The following ZNF346 variants were observed in gnomAD, a reference collection of about 807,000 sequenced individuals.
ZNF346 encodes the protein zinc finger protein 346, also known as double-stranded RNA-binding zinc finger protein JAZ.
In ZNF346, 23 loss-of-function variants were observed where a neutral mutation model predicts 33.7. That is an observed-to-expected ratio of 0.68 (90% CI 0.49 to 0.97). The LOEUF (loss-of-function observed/expected upper bound fraction) is 0.97, where lower values mean the gene tolerates loss of function less well. Among genes scored for constraint, ZNF346 ranks in the 50% least tolerant of loss-of-function variants. The probability of loss-of-function intolerance (pLI) is 0.00; values close to 1 mark genes in which losing one functional copy is unlikely to be tolerated. For synonymous variants in ZNF346, 134 were observed against 142.4 expected (o/e 0.94, Z 0.42); for missense variants, 340 against 371.1 (o/e 0.92, Z 0.69).
intron 8 of ZNF346, among the ~76,000 whole-genome samples, chr5:177,078,279 CA>C (rs1371977632): frequency 6.6e-6 from 1 of 152,216 alleles, no homozygotes; most frequent in African/African-American, 2.4e-5. Context: ...TGCTCAGCAA[CA>C]AAGGCAGCAT....
At chr5:177,052,726 T>A (rs951206267) in intron 5 of ZNF346, 16 of 152,208 alleles carry the variant, frequency 1.1e-4, no homozygotes, top group Admixed American at 9.8e-4. Flanking sequence ...GAGATACTGG[T>A]ACTAAGAAAA....
intron 6 of ZNF346, among the ~76,000 whole-genome samples, chr5:177,062,837 C>T (rs575834668): frequency 6.6e-6 from 1 of 152,282 alleles, no homozygotes; most frequent in South Asian, 2.1e-4. Flanking sequence ...CCATTTTATA[C>T]ATATAGACAA....
chr5:177,029,332 A>G (rs1479959588), intron 1 of ZNF346, among the ~76,000 whole-genome samples: 1 of 152,142 alleles, frequency 6.6e-6, no homozygotes, highest in Admixed American at 6.6e-5. Context: ...GCACACCCCA[A>G]TTCCATGGGG....
chr5:177,026,796 A>G (rs1776845571), intron 1 of ZNF346, among the ~76,000 whole-genome samples: 1 of 152,194 alleles, frequency 6.6e-6, no homozygotes. Context: ...GACTCATACA[A>G]AGTTGTTTAT....
At position 177,061,080 on chromosome 5, in the gene ZNF346, C is replaced by T. The variant is rs191695269; in HGVS notation, c.704-978C>T. Among the ~76,000 whole-genome samples the T allele has an allele frequency of 6.4e-3, 948 of 148,482 alleles. 9 individuals are homozygous for T. Among genetic ancestry groups the T allele is most frequent in the African/African-American group, 0.022 (883 of 39,300 alleles). ...TGAGCCAAGATCGCACCACTGCACT[C>T]CAGCCTGGACGACAGAGCAAGACTG... On this transcript the variant is annotated intron_variant, in intron 5 of 6. Transcript: ENST00000358149.
chr5:177,023,560 G>A (rs184041577), intron 1 of ZNF346, among the ~76,000 whole-genome samples: 70 of 152,296 alleles, frequency 4.6e-4, no homozygotes, highest in African/African-American at 1.6e-3. Context: ...TGTATGCAAA[G>A]CCACGTTAGG....
chr5:177,034,415 AG>A (rs1778186850), intron 1 of ZNF346, among the ~76,000 whole-genome samples: 1 of 151,988 alleles, frequency 6.6e-6, no homozygotes, highest in Admixed American at 6.6e-5. Flanking sequence ...TTGTAAAGAC[AG>A]GGTCCCACTA....
intron 5 of ZNF346, among the ~76,000 whole-genome samples, chr5:177,058,574 TATAA>T (rs1026648709): frequency 1.3e-5 from 2 of 152,242 alleles, no homozygotes; most frequent in African/African-American, 4.8e-5. Context: ...CACACGTTCC[TATAA>T]ATAGATATGA....
chr5:177,028,496 T>TATATATATA lies in ZNF346; in HGVS notation c.175+5583_175+5584insATATATATA, dbSNP rs1554142623. Among the ~76,000 whole-genome samples, 623 of 90,478 alleles carry TATATATATA rather than the reference T, an allele frequency of 6.9e-3. 11 individuals carry two copies. The highest frequency in any genetic ancestry group is 0.029 in the South Asian group (82 of 2,786). The allele number at this position is 90,478 out of a possible 152,430, so 59.4% of individuals were successfully genotyped here. ...TTCTCTCTTAAGCACTTGTGACGTT[T>TATATATATA]TATATATATATATATATATATATAT... On this transcript the variant is annotated intron_variant, in intron 1 of 6. Transcript: ENST00000358149.
intron 4 of ZNF346, among the ~76,000 whole-genome samples, chr5:177,047,203 C>T (rs1424157584): frequency 6.6e-5 from 10 of 152,098 alleles, no homozygotes; most frequent in Admixed American, 2.0e-4. Flanking sequence ...CGCGTGCCAC[C>T]GCGCCTGGCC....
At chr5:177,030,057 T>A (rs1280012509) in intron 1 of ZNF346, among the ~76,000 whole-genome samples, 1 of 152,186 alleles carries the variant, frequency 6.6e-6, no homozygotes, top group African/African-American at 2.4e-5. Context: ...CACAGAAGCG[T>A]TCTGTATTGT....
At chr5:177,028,559 C>T (rs1323131084) in intron 1 of ZNF346, among the ~76,000 whole-genome samples, 1 of 133,828 alleles carries the variant, frequency 7.5e-6, no homozygotes, top group Admixed American at 7.8e-5. Flanking sequence ...TTCTATAACC[C>T]TTGTACTTTC....
Position 177,065,326 on chromosome 5 carries a change from G to A in ZNF346, c.*727G>A, listed in dbSNP as rs1783053208. 6.5e-6 allele frequency: 1 copy of A among 152,702 alleles called. No individual in the cohort carries two copies. The highest frequency in any genetic ancestry group is 1.5e-5 in the Non-Finnish European group (1 of 68,110). The allele number at this position is 152,702 out of a possible 1,614,324, so 9.5% of individuals were successfully genotyped here. ...ACTGAGATCATAGGACACTCCAATG[G>A]GGATGGGACCTTTCCCCTCCTCCAT... On this transcript the variant is annotated 3_prime_UTR_variant, in exon 7 of 7. Coordinates refer to ENST00000358149, the MANE Select transcript of ZNF346 (RefSeq NM_012279.4).
intron 4 of ZNF346, among the ~76,000 whole-genome samples, chr5:177,045,325 G>A (rs188298609): frequency 6.6e-6 from 1 of 152,104 alleles, no homozygotes. Context: ...CTGTGTTTTG[G>A]AAGCCTTCAA....
At chr5:177,025,032 C>T (rs2149571851) in intron 1 of ZNF346, among the ~76,000 whole-genome samples, 1 of 152,330 alleles carries the variant, frequency 6.6e-6, no homozygotes, top group Non-Finnish European at 1.5e-5. Context: ...AGCCAGTGTA[C>T]AGAGTTGTAT....
intron 1 of ZNF346, among the ~76,000 whole-genome samples, chr5:177,032,513 C>T (rs1274920897): frequency 1.3e-5 from 2 of 152,096 alleles, no homozygotes; most frequent in African/African-American, 2.4e-5. Context: ...TGGGTTCAAG[C>T]GATTCTCCTG....
intron 1 of ZNF346, among the ~76,000 whole-genome samples, chr5:177,038,256 G>GT (rs748931641): frequency 0.29 from 38,248 of 131,574 alleles, 5,617 homozygotes; most frequent in Middle Eastern, 0.35. Flanking sequence ...GCCCAACTAC[G>GT]TTTTTTTTTT....
At chr5:177,072,098 G>T (rs780027109), downstream of ZNF346, among the ~76,000 whole-genome samples, 3 of 152,196 alleles carry the variant, frequency 2.0e-5, no homozygotes, top group Non-Finnish European at 4.4e-5. Flanking sequence ...AGAGAACAGG[G>T]TGACTTCACG....
intron 1 of ZNF346, among the ~76,000 whole-genome samples, chr5:177,036,640 C>T (rs925377258): frequency 6.6e-6 from 1 of 152,148 alleles, no homozygotes; most frequent in Non-Finnish European, 1.5e-5. Flanking sequence ...CACACTTGCC[C>T]CAACCATGAG....
Sources: gnomAD v4.1 joint callset for allele counts (sites outside exome capture counted in the v4.1 genomes callset) on GRCh38, gnomAD v4.1.1 for gene constraint, MANE v1.5 for transcripts, NCBI Gene and HGNC (gene_info 2026-07-23, HGNC 2026-07-21) for gene names.